The following PARP8 variants were observed in gnomAD, a reference collection of about 807,000 sequenced individuals.
PARP8 encodes poly(ADP-ribose) polymerase family member 8.
In PARP8, 51 loss-of-function variants were observed where a neutral mutation model predicts 124.1. The observed-to-expected ratio is 0.41, with a 90% CI of 0.33 to 0.52. The LOEUF (loss-of-function observed/expected upper bound fraction) is 0.52, where lower values mean the gene tolerates loss of function less well. Ranked by LOEUF, PARP8 falls within the 20% of genes least tolerant of loss-of-function variation. The pLI is 0.21. For synonymous variants in PARP8, 391 were observed against 361.5 expected (o/e 1.08, Z -0.93); for missense variants, 860 against 1,018.9 (o/e 0.84, Z 2.12).
chr5:50,794,609 G>A (rs1742318087), intron 11 of PARP8, among the ~76,000 whole-genome samples: 1 of 151,988 alleles, frequency 6.6e-6, no homozygotes, highest in Admixed American at 6.6e-5. Flanking sequence ...TCATTATAGG[G>A]CTTTGGGATA....
intron 25 of PARP8, among the ~76,000 whole-genome samples, 161 bp downstream of exon 25, chr5:50,835,176 A>C (rs910395828): frequency 6.6e-6 from 1 of 152,208 alleles, no homozygotes; most frequent in African/African-American, 2.4e-5. Flanking sequence ...CCATTAAAAA[A>C]ATCTAAATAA....
intron 14 of PARP8, among the ~76,000 whole-genome samples, chr5:50,798,650 C>T (rs1430461252): frequency 2.0e-5 from 3 of 152,112 alleles, no homozygotes; most frequent in Non-Finnish European, 4.4e-5. Flanking sequence ...TCTCGATCTC[C>T]TGACCTTGTG....
rs200583021 is a variant in PARP8, at chr5:50,788,201, AAT to A, written c.671-315_671-314del. The stretch of plus-strand genomic sequence containing the variant: ...ATTAATATATAATATATTAATGTAT[AAT>A]ATATATTATTATACATTATACTGTA... On this transcript the variant is annotated intron_variant, in intron 9 of 25. Transcript: ENST00000281631. 6.9e-3 allele frequency among the ~76,000 whole-genome samples: 1,011 copies of A among 147,300 alleles called. 12 individuals carry two copies. The highest frequency in any genetic ancestry group is 0.024 in the African/African-American group (977 of 40,488).
intron 2 of PARP8, among the ~76,000 whole-genome samples, chr5:50,746,532 G>A (rs1423710303): frequency 6.6e-6 from 1 of 151,964 alleles, no homozygotes; most frequent in African/African-American, 2.4e-5. Context: ...CTTTATGTGA[G>A]TCTATATTAT....
At chr5:50,768,132 C>T (rs1384639967) in intron 7 of PARP8, among the ~76,000 whole-genome samples, 1 of 151,942 alleles carries the variant, frequency 6.6e-6, no homozygotes, top group Non-Finnish European at 1.5e-5. Context: ...TATAAAACAT[C>T]ATAACAGTGT....
At chr5:50,726,816 T>C (rs1274429192) in intron 2 of PARP8, among the ~76,000 whole-genome samples, 2 of 152,140 alleles carry the variant, frequency 1.3e-5, no homozygotes, top group African/African-American at 4.8e-5. Context: ...CCATTCTGCT[T>C]GCTTCTAAAG....
intron 9 of PARP8, among the ~76,000 whole-genome samples, chr5:50,785,232 A>G (rs1741112867): frequency 6.6e-6 from 1 of 152,100 alleles, no homozygotes. Flanking sequence ...ATTTATTTTG[A>G]TAAATATTAA....
rs1234557689 is a variant in PARP8, at chr5:50,677,136, T to A, written c.146+9011T>A. Among the ~76,000 whole-genome samples, 25 of 152,120 alleles carry A rather than the reference T, an allele frequency of 1.6e-4. 1 individual carries two copies. Among genetic ancestry groups the A allele is most frequent in the Admixed American group, 1.5e-3 (23 of 15,274 alleles). On this transcript the variant is annotated intron_variant, in intron 2 of 25. Coordinates refer to ENST00000281631, the MANE Select transcript of PARP8 (RefSeq NM_024615.4). ...GTGTGCAAAATCTTAACGGAGTGAA[T>A]TCTTGATTGTTGATATCACATTTGT...
intron 2 of PARP8, among the ~76,000 whole-genome samples, chr5:50,669,932 G>T (rs1208221747): frequency 6.6e-6 from 1 of 152,168 alleles, no homozygotes; most frequent in African/African-American, 2.4e-5. Context: ...TGTTAAAAGA[G>T]AAAGACAATT....
intron 2 of PARP8, among the ~76,000 whole-genome samples, chr5:50,709,129 C>A (rs1320828121): frequency 6.6e-6 from 1 of 151,844 alleles, no homozygotes; most frequent in Non-Finnish European, 1.5e-5. Flanking sequence ...TATTCTCTTA[C>A]CTCCTTCTAC....
At chr5:50,769,299 G>A (rs954520272) in intron 7 of PARP8, among the ~76,000 whole-genome samples, 13 of 150,480 alleles carry the variant, frequency 8.6e-5, no homozygotes, top group East Asian at 1.9e-4. Context: ...TAATCTTCCT[G>A]CCTGTAAACG....
At chr5:50,674,435 G>A (rs1750384044) in intron 2 of PARP8, among the ~76,000 whole-genome samples, 1 of 152,152 alleles carries the variant, frequency 6.6e-6, no homozygotes, top group Non-Finnish European at 1.5e-5. Flanking sequence ...TGCCCTGTTG[G>A]CTTTGACTTA....
In PARP8 at chr5:50,795,046, G is replaced by T. The variant is rs377028776; in HGVS notation, c.1057G>T (p.Ala353Ser). 1 of 1,614,002 alleles carries T rather than the reference G, an allele frequency of 6.2e-7. No individual in the cohort carries two copies. Among genetic ancestry groups the T allele is most frequent in the African/African-American group, 1.3e-5 (1 of 74,894 alleles). ...GTCCAGCGATCCCAGGGCGGAGCAG[G>T]CTATGACAGCAATTAAATCGCACAA... ...SLSSDPRAEQ[A>S]MTAIKSHKLL... Residue 353 changes from alanine to serine, a missense_variant, in exon 12 of 26, where the codon GCT becomes TCT. Around this residue, in one of 2 missense-constraint regions of PARP8, gnomAD observed 517 missense variants for 544.2 expected, o/e 0.95. Transcript: ENST00000281631.
intron 7 of PARP8, among the ~76,000 whole-genome samples, chr5:50,770,342 A>C (rs1647424524): frequency 6.6e-6 from 1 of 152,170 alleles, no homozygotes; most frequent in South Asian, 2.1e-4. Flanking sequence ...TTACTTGAAC[A>C]TCATTCATCA....
At chr5:50,789,027 T>TGG (rs1741636713) in intron 10 of PARP8, among the ~76,000 whole-genome samples, 1 of 152,174 alleles carries the variant, frequency 6.6e-6, no homozygotes, top group Admixed American at 6.5e-5. Context: ...CATGACTTTC[T>TGG]CTCTTACTGG....
intron 2 of PARP8, among the ~76,000 whole-genome samples, chr5:50,726,665 CT>C (rs1756461376): frequency 6.6e-6 from 1 of 152,148 alleles, no homozygotes; most frequent in Admixed American, 6.6e-5. Context: ...GCCCACTGGT[CT>C]CATGTAGACT....
At chr5:50,725,114 A>G (rs567198090) in intron 2 of PARP8, among the ~76,000 whole-genome samples, 13 of 151,048 alleles carry the variant, frequency 8.6e-5, no homozygotes, top group African/African-American at 3.2e-4. Flanking sequence ...TATGTATACT[A>G]TATATGTATA....
At chr5:50,802,201 G>A (rs1404389237) in intron 14 of PARP8, among the ~76,000 whole-genome samples, 1 of 152,004 alleles carries the variant, frequency 6.6e-6, no homozygotes, top group Non-Finnish European at 1.5e-5. Flanking sequence ...GCATTTTCTA[G>A]TGTACCATTT....
intron 19 of PARP8, 127 bp from the exon 20 acceptor site, chr5:50,827,817 T>A: frequency 4.5e-6 from 3 of 660,410 alleles, no homozygotes; most frequent in Non-Finnish European, 7.9e-6. Context: ...CTTGCTAATG[T>A]GGTTAGTGGA....
Sources: gnomAD v4.1 joint callset for allele counts (sites outside exome capture counted in the v4.1 genomes callset) on GRCh38, gnomAD v4.1.1 for gene constraint, gnomAD v4.1.1 regional missense constraint, MANE v1.5 for transcripts, NCBI Gene and HGNC (gene_info 2026-07-23, HGNC 2026-07-21) for gene names.